The following CRCP variants were observed in gnomAD, a reference collection of about 807,000 sequenced individuals.
The protein encoded by CRCP is CGRP receptor component, also known as DNA-directed RNA polymerase III subunit RPC9.
In CRCP, 18 loss-of-function variants were observed where a neutral mutation model predicts 18.5. The observed-to-expected ratio is 0.97, with a 90% confidence interval of 0.67 to 1.44. The LOEUF (loss-of-function observed/expected upper bound fraction) is 1.44, where lower values mean the gene tolerates loss of function less well. Among genes scored for constraint, CRCP ranks in the 40% most tolerant of loss-of-function variants. The pLI, the probability that CRCP is intolerant of heterozygous loss-of-function variation, is 0.00. For synonymous variants in CRCP, 53 were observed against 62.9 expected, an observed-to-expected ratio of 0.84 and a Z score of 0.75; for missense variants, 130 against 176.4, an observed-to-expected ratio of 0.74 and a Z score of 1.49.
intron 4 of CRCP, among the ~76,000 whole-genome samples, chr7:66,134,660 C>T (rs998182617): frequency 6.0e-5 from 9 of 150,694 alleles, no homozygotes; most frequent in East Asian, 1.9e-4. Flanking sequence ...TCAAAAAAGA[C>T]GGGTGAGGGG....
intron 4 of CRCP, among the ~76,000 whole-genome samples, chr7:66,139,933 C>A (rs1788083878): frequency 6.6e-6 from 1 of 152,240 alleles, no homozygotes; most frequent in Non-Finnish European, 1.5e-5. Flanking sequence ...CTTTTGGGTC[C>A]TGTAGCCACA....
At chr7:66,143,407 A>G (rs1788196954) in intron 4 of CRCP, among the ~76,000 whole-genome samples, 1 of 151,886 alleles carries the variant, frequency 6.6e-6, no homozygotes. Context: ...CTTTCACCCC[A>G]TGTCCCACCC....
At chr7:66,127,636 T>G in intron 1 of CRCP, 68 bp from the exon 2 acceptor site, 2 of 1,548,666 alleles carry the variant, frequency 1.3e-6, no homozygotes, top group Non-Finnish European at 1.8e-6. Context: ...CAGGAATTCT[T>G]TTACAGAATT....
In CRCP at chr7:66,152,352, G is replaced by A. The variant is rs1788502876; in HGVS notation, c.442G>A (p.Ala148Thr). The A allele has an allele frequency of 6.2e-7, 1 of 1,613,904 alleles. No homozygotes were observed. The highest frequency in any genetic ancestry group is 1.3e-5 in the African/African-American group (1 of 74,946). Residue 148 changes from alanine to threonine, a missense_variant, in exon 6 of 6, where the codon GCA (alanine) becomes ACA (threonine). Coordinates refer to ENST00000395326, the MANE Select transcript of CRCP (RefSeq NM_014478.5). Reference protein sequence around the residue: ...SNVAMDEEDPA With the variant: ...SNVAMDEEDPT ...TGTGGCAATGGACGAAGAGGACCCA[G>A]CATAGAAGAGCACAGCTGGCCCCGG...
chr7:66,150,555 A>C lies in CRCP; in HGVS notation c.298-1653A>C, dbSNP rs1394465282. 4.6e-5 allele frequency: 7 copies of C among 151,908 alleles called. No individual in the cohort carries two copies. The East Asian group carries it at 1.4e-3, about 29-fold the overall frequency. 9.4% of individuals were successfully genotyped at this position (151,908 alleles called of 1,614,324 possible). On this transcript the variant is annotated intron_variant, in intron 5 of 5. Coordinates refer to ENST00000395326, the MANE Select transcript of CRCP (RefSeq NM_014478.5). The stretch of plus-strand genomic sequence containing the variant: ...CACTTTTGGGCTGAAGTGAGTGGAG[A>C]GACCAGGGTTTTGCCAGGAGTTCGT...
intron 4 of CRCP, among the ~76,000 whole-genome samples, chr7:66,143,799 AAATCTGAGGATTTGAT>A (rs1489693245): frequency 1.3e-5 from 2 of 152,190 alleles, no homozygotes; most frequent in Admixed American, 1.3e-4. Context: ...AGTGTCAGTG[AAATCTGAGGATTTGAT>A]GTAGTTCCAC....
At chr7:66,129,653 A>G (rs945218255) in intron 2 of CRCP, among the ~76,000 whole-genome samples, 1 of 148,542 alleles carries the variant, frequency 6.7e-6, no homozygotes, top group Non-Finnish European at 1.5e-5. Flanking sequence ...AAGTGGTTGC[A>G]GCTTAGAACA....
rs542107145 is a variant in CRCP, at chr7:66,153,491, A to G, written c.*1134A>G. On this transcript the variant is annotated 3_prime_UTR_variant, in exon 6 of 6. Transcript: ENST00000395326. ...CCATGTGAAAACCTTTTTAATATTC[A>G]GGATTTGGAAAGTATAGTTGCCCCA... The G allele has an allele frequency of 3.3e-5, 5 of 152,290 alleles. No individual in the cohort carries two copies. The East Asian group carries it at 7.7e-4, about 24-fold the overall frequency. 9.4% of individuals were successfully genotyped at this position (152,290 alleles called of 1,614,324 possible).
At chr7:66,150,354 G>GAAACTCTGTCTCAAAAAAAGAA (rs57066308) in intron 5 of CRCP, among the ~76,000 whole-genome samples, 15 of 146,586 alleles carry the variant, frequency 1.0e-4, no homozygotes, top group Non-Finnish European at 1.8e-4. Flanking sequence ...CAACAAGAGT[G>GAAACTCTGTCTCAAAAAAAGAA]AAGGGGGGGA....
chr7:66,132,486 C>T (rs1004135415), intron 3 of CRCP, among the ~76,000 whole-genome samples: 1 of 152,174 alleles, frequency 6.6e-6, no homozygotes, highest in South Asian at 2.1e-4. Flanking sequence ...CTCCCCTTCT[C>T]GTGTCCTGAT....
In CRCP at chr7:66,151,752, C is replaced by CT. The variant is rs1170961958; in HGVS notation, c.298-437dup. Among the ~76,000 whole-genome samples the CT allele has an allele frequency of 3.0e-3, 114 of 38,332 alleles. 1 individual carries two copies. The highest frequency in any genetic ancestry group is 0.021 in the East Asian group (31 of 1,456). The allele number at this position is 38,332 out of a possible 152,430, so 25.1% of individuals were successfully genotyped here. On this transcript the variant is annotated intron_variant, in intron 5 of 5. Coordinates refer to ENST00000395326, the MANE Select transcript of CRCP (RefSeq NM_014478.5). ...CTTAGCTTTTTCCTTTTTTTCTTTT[C>CT]TTTTTTTTTTTTTTTTTTTAGACAA... is the stretch of plus-strand genomic sequence containing the variant.
intron 1 of CRCP, among the ~76,000 whole-genome samples, chr7:66,120,179 G>A (rs868077444): frequency 2.7e-5 from 4 of 150,228 alleles, no homozygotes; most frequent in Middle Eastern, 3.2e-3. Context: ...GCGAGACCCC[G>A]TCTCAAAAAA....
At chr7:66,125,733 G>A (rs1047510555) in intron 1 of CRCP, among the ~76,000 whole-genome samples, 9 of 149,400 alleles carry the variant, frequency 6.0e-5, no homozygotes, top group African/African-American at 1.9e-4. Context: ...GGAATATTCT[G>A]AATGACAGAG....
intron 1 of CRCP, among the ~76,000 whole-genome samples, chr7:66,122,898 T>G (rs1241334274): frequency 2.6e-5 from 4 of 152,122 alleles, no homozygotes; most frequent in Non-Finnish European, 5.9e-5. Flanking sequence ...TAAAATGCAC[T>G]TAGAGTATTT....
At chr7:66,145,960 C>T (rs1439040531) in intron 5 of CRCP, among the ~76,000 whole-genome samples, 1 of 152,208 alleles carries the variant, frequency 6.6e-6, no homozygotes, top group Non-Finnish European at 1.5e-5. Flanking sequence ...GCCTGGCCTC[C>T]CACGCCGGAA....
chr7:66,134,856 G>T (rs1787925521), intron 4 of CRCP, among the ~76,000 whole-genome samples: 1 of 152,118 alleles, frequency 6.6e-6, no homozygotes, highest in African/African-American at 2.4e-5. Flanking sequence ...ATAGCACCAT[G>T]ACCTTGGAAA....
chr7:66,152,060 G>A (rs1183570948), intron 5 of CRCP, 148 bp from the exon 6 acceptor site: 19 of 792,484 alleles, frequency 2.4e-5, no homozygotes, highest in East Asian at 7.8e-5. Context: ...CCACCCTTCC[G>A]TCTGTAAGAT....
intron 1 of CRCP, among the ~76,000 whole-genome samples, chr7:66,121,075 TTTC>T (rs1267501111): frequency 1.3e-5 from 2 of 150,900 alleles, no homozygotes; most frequent in African/African-American, 2.4e-5. Flanking sequence ...ATACCTGAAA[TTTC>T]TTCTTTTTTT....
intron 4 of CRCP, among the ~76,000 whole-genome samples, 179 bp from the exon 5 acceptor site, chr7:66,145,264 G>T (rs1380229485): frequency 6.6e-6 from 1 of 152,184 alleles, no homozygotes; most frequent in African/African-American, 2.4e-5. Context: ...ACCGTGGGCT[G>T]GGAGTCACTC....
Sources: allele counts gnomAD v4.1 joint callset (sites outside exome capture counted in the v4.1 genomes callset), GRCh38; gene constraint gnomAD v4.1.1; transcripts MANE v1.5; gene names NCBI Gene and HGNC (gene_info 2026-07-23, HGNC 2026-07-21).